The following LIPE variants were observed in gnomAD, a reference collection of about 807,000 sequenced individuals.
The protein encoded by LIPE is lipase E, hormone sensitive type, also known as hormone-sensitive lipase.
A neutral mutation model predicts 88.5 loss-of-function variants in LIPE; 66 were observed. The observed-to-expected ratio is 0.75, with a 90% confidence interval of 0.61 to 0.91. The LOEUF is 0.91. Among genes scored for constraint, LIPE ranks in the 40% least tolerant of loss-of-function variants. The probability of loss-of-function intolerance (pLI) is 0.00; values close to 1 mark genes in which losing one functional copy is unlikely to be tolerated. For synonymous variants in LIPE, 570 were observed against 617.5 expected, an observed-to-expected ratio of 0.92 and a Z score of 1.14; for missense variants, 1,346 against 1,434.7, an observed-to-expected ratio of 0.94 and a Z score of 1.00.
rs201448843 is a variant in LIPE at position 42,426,293 on chromosome 19, C to A, written c.857G>T (p.Arg286Leu). The A allele has an allele frequency of 1.9e-6, 3 of 1,602,778 alleles. No homozygotes were observed. The highest frequency in any genetic ancestry group is 2.6e-6 in the Non-Finnish European group (3 of 1,170,652). ...GTSPHEKTSA[R>L]NHRHYQDTAS... ...TGTATCCTGGTAGTGTCTGTGATTCCGAGCACTGGTTTTCTCATGTGGCGA... is the reference window on the plus strand; with the variant it reads ...TGTATCCTGGTAGTGTCTGTGATTCAGAGCACTGGTTTTCTCATGTGGCGA... The change falls in exon 1 of 10, where the codon CGG becomes CTG. Residue 286 changes from arginine to leucine, a missense_variant. Arg to Leu is a moderately radical substitution (Grantham distance 102). Transcript: ENST00000244289.
In LIPE at chr19:42,423,641, C is replaced by G. The variant is rs2040648106; in HGVS notation, c.883+2626G>C. Reference sequence around the variant, plus strand: ...CTGTCGGGCCCCCCTATTACCCAATCCCGAGCTTGCTCTTCTCTGGGTCCA... The same window carrying G: ...CTGTCGGGCCCCCCTATTACCCAATGCCGAGCTTGCTCTTCTCTGGGTCCA... On this transcript the variant is annotated intron_variant, in intron 1 of 9. Coordinates refer to ENST00000244289, the MANE Select transcript of LIPE (RefSeq NM_005357.4). 18 of 1,170,046 alleles carry G rather than the reference C, an allele frequency of 1.5e-5. No homozygotes were observed. The South Asian group carries it at 2.7e-4, about 17-fold the overall frequency. 72.5% of individuals were successfully genotyped at this position (1,170,046 alleles called of 1,614,324 possible).
chr19:42,417,119 A>G (rs898909969), intron 1 of LIPE, among the ~76,000 whole-genome samples: 58 of 152,032 alleles, frequency 3.8e-4, no homozygotes, highest in Non-Finnish European at 6.9e-4. Context: ...ACGGGGTTTC[A>G]CCATGTTAGC....
chr19:42,419,309 TGAG>T (rs1399972939), intron 1 of LIPE, among the ~76,000 whole-genome samples: 1 of 151,828 alleles, frequency 6.6e-6, no homozygotes, highest in Non-Finnish European at 1.5e-5. Flanking sequence ...AATAAAAAGA[TGAG>T]GAGAGGGGAC....
At position 42,408,363 on chromosome 19, in the gene LIPE, G is replaced by T; in HGVS notation, c.1420-41C>A. 1.3e-6 allele frequency: 2 copies of T among 1,539,518 alleles called. No homozygotes were observed. The highest frequency in any genetic ancestry group is 9.0e-7 in the Non-Finnish European group (1 of 1,112,860). On this transcript the variant is annotated intron_variant, in intron 2 of 9. Transcript: ENST00000244289. The surrounding 1 kb of genome is among the most constrained non-coding windows in gnomAD (Gnocchi z 4.3). Reference sequence around the variant, plus strand: ...GCTGCGTCACCCACCGCTCAAGAGAGGGATGGGGACAGGGCAGGAGCGAGG... The same window carrying T: ...GCTGCGTCACCCACCGCTCAAGAGATGGATGGGGACAGGGCAGGAGCGAGG...
chr19:42,405,400 A>G lies in LIPE; in HGVS notation c.2527T>C (p.Ser843Pro). 6.2e-7 allele frequency: 1 copy of G among 1,613,308 alleles called. No individual in the cohort carries two copies. Among genetic ancestry groups the G allele is most frequent in the Non-Finnish European group, 8.5e-7 (1 of 1,179,956 alleles). Reference sequence around the variant, plus strand: ...AATCACTCACCTGCTATGGGCTCCGACATCTTCTGGGACTTGCGCCCACTT... The same window carrying G: ...AATCACTCACCTGCTATGGGCTCCGGCATCTTCTGGGACTTGCGCCCACTT... ...ELSGRKSQKM[S>P]EPIAEPMRRS... Residue 843 changes from serine to proline, a missense_variant, in exon 8 of 10, where the codon TCG becomes CCG. Transcript: ENST00000244289.
chr19:42,423,722 G>C (rs1309927897), intron 1 of LIPE: 6 of 1,131,870 alleles, frequency 5.3e-6, no homozygotes, highest in African/African-American at 1.7e-5. Context: ...CCAACCGCCA[G>C]AATTTAAGAT....
chr19:42,402,224 A>G, intron 9 of LIPE, 149 bp from the exon 10 acceptor site: 1 of 722,604 alleles, frequency 1.4e-6, no homozygotes, highest in South Asian at 2.2e-5. Flanking sequence ...GTGGGTGAGG[A>G]GTTGGGGAGA....
intron 1 of LIPE, among the ~76,000 whole-genome samples, chr19:42,417,667 G>A (rs1449630029): frequency 6.6e-6 from 1 of 152,104 alleles, no homozygotes; most frequent in Non-Finnish European, 1.5e-5. Context: ...TTACAGGCAT[G>A]TGCCACCATG....
In LIPE at chr19:42,426,283, T is replaced by G. The variant is rs375810085; in HGVS notation, c.867A>C (p.Arg289Ser). 3.7e-6 allele frequency: 6 copies of G among 1,601,482 alleles called. No homozygotes were observed. The highest frequency in any genetic ancestry group is 1.3e-5 in the African/African-American group (1 of 74,654). Reference protein sequence around the residue: ...PHEKTSARNHRHYQDTASRLI... With the variant: ...PHEKTSARNHSHYQDTASRLI... ...CACACTCACCTGTATCCTGGTAGTG[T>G]CTGTGATTCCGAGCACTGGTTTTCT... The change falls in exon 1 of 10, where the codon AGA becomes AGC. Residue 289 changes from arginine (R) to serine (S), a missense_variant. Transcript: ENST00000244289.
chr19:42,423,653 C>T, intron 1 of LIPE: 2 of 1,167,816 alleles, frequency 1.7e-6, no homozygotes, highest in Middle Eastern at 3.9e-4. Flanking sequence ...CGAGCTTGCT[C>T]TTCTCTGGGT....
In LIPE at chr19:42,401,784, G is replaced by A; in HGVS notation, c.*28C>T. ...CGGCCCGGAAGGCATTCATGACGGA[G>A]GCCGGCGCAGATGGGAACAACAGGC... On this transcript the variant is annotated 3_prime_UTR_variant, in exon 10 of 10. Coordinates refer to ENST00000244289, the MANE Select transcript of LIPE (RefSeq NM_005357.4). 1 of 1,429,812 alleles carries A rather than the reference G, an allele frequency of 7.0e-7. No individual in the cohort carries two copies. The highest frequency in any genetic ancestry group is 1.5e-5 in the South Asian group (1 of 68,286). 88.6% of individuals were successfully genotyped at this position (1,429,812 alleles called of 1,614,324 possible).
At chr19:42,423,117 T>G (rs887149671) in intron 1 of LIPE, 86 of 291,488 alleles carry the variant, frequency 3.0e-4, no homozygotes, top group African/African-American at 1.8e-3. Flanking sequence ...GGGCATCCGT[T>G]GCCCTTGGTC....
At position 42,410,603 on chromosome 19, in the gene LIPE, T is replaced by C. The variant is rs2040345657; in HGVS notation, c.1123A>G (p.Ser375Gly). The C allele has an allele frequency of 6.2e-7, 1 of 1,613,284 alleles. No homozygotes were observed. ...DPETPANGYRSLVHTARCCLA... is the reference protein window; with the variant it reads ...DPETPANGYRGLVHTARCCLA... ...CAGCAGCGGGCTGTGTGCACTAGGCTGCGGTACCCGTTGGCCGGTGTCTCT... is the reference window on the plus strand; with the variant it reads ...CAGCAGCGGGCTGTGTGCACTAGGCCGCGGTACCCGTTGGCCGGTGTCTCT... Residue 375 changes from serine to glycine, a missense_variant, in exon 2 of 10, where the codon AGC becomes GGC. By Grantham distance (56) the Ser-to-Gly change is moderately conservative (BLOSUM62 0). Coordinates refer to ENST00000244289, the MANE Select transcript of LIPE (RefSeq NM_005357.4). The surrounding 1 kb of genome is among the most constrained non-coding windows in gnomAD (Gnocchi z 6.1).
intron 1 of LIPE, among the ~76,000 whole-genome samples, chr19:42,412,108 C>T (rs1302811608): frequency 3.3e-5 from 5 of 152,226 alleles, no homozygotes; most frequent in Non-Finnish European, 7.3e-5. Flanking sequence ...TACGTCTGAT[C>T]TCCACACTTT....
At position 42,402,757 on chromosome 19, in the gene LIPE, G is replaced by A. The variant is rs1457683501; in HGVS notation, c.2817C>T (p.Ala939=). ...SPMDRGLGVR[A]AFPEGFHPRR... is the part of the protein sequence containing the mutation. ...GGGGGTGGAAACCCTCGGGGAAGGCGGCACGGACGCCCAGGCCTCTGTCCA... is the reference window on the plus strand; with the variant it reads ...GGGGGTGGAAACCCTCGGGGAAGGCAGCACGGACGCCCAGGCCTCTGTCCA... The change falls in exon 9 of 10, where the codon GCC becomes GCT. Residue 939 remains alanine, a synonymous_variant. Transcript: ENST00000244289. The A allele has an allele frequency of 2.5e-6, 4 of 1,584,238 alleles. No homozygotes were observed. Among genetic ancestry groups the A allele is most frequent in the East Asian group, 2.3e-5 (1 of 44,312 alleles).
In LIPE at chr19:42,408,393, G is replaced by T; in HGVS notation, c.1420-71C>A. The stretch of plus-strand genomic sequence containing the variant: ...GGGGACAGGGCAGGAGCGAGGCACA[G>T]GGATGTGCGGGGAAGACACATTCAT... On this transcript the variant is annotated intron_variant, in intron 2 of 9. Coordinates refer to ENST00000244289, the MANE Select transcript of LIPE (RefSeq NM_005357.4). This position sits in a 1 kb window ranked among gnomAD's most constrained non-coding sequence, Gnocchi z 4.3. 1 of 1,178,336 alleles carries T rather than the reference G, an allele frequency of 8.5e-7. No homozygotes were observed. Among genetic ancestry groups the T allele is most frequent in the Non-Finnish European group, 1.3e-6 (1 of 787,428 alleles). 73.0% of individuals were successfully genotyped at this position (1,178,336 alleles called of 1,614,324 possible). A position where few individuals can be genotyped will look rare whatever the true frequency, so the allele number is the denominator to read the frequency against.
At position 42,406,199 on chromosome 19, in the gene LIPE, G is replaced by GGCA; in HGVS notation, c.2324_2326dup (p.Leu775dup). 2 of 1,613,354 alleles carry GGCA rather than the reference G, an allele frequency of 1.2e-6. No individual in the cohort carries two copies. The highest frequency in any genetic ancestry group is 1.7e-6 in the Non-Finnish European group (2 of 1,179,446). The stretch of plus-strand genomic sequence containing the variant: ...GACACACTTGGAGAGCACACTGAGG[G>GGCA]GCAGCAAGGGGTCCATGAGGCTCAG... On this transcript the variant is annotated inframe_insertion, in exon 7 of 10. Transcript: ENST00000244289. This position sits in a 1 kb window ranked among gnomAD's most constrained non-coding sequence, Gnocchi z 5.7.
chr19:42,408,402 G>T lies in LIPE; in HGVS notation c.1420-80C>A. 1 of 1,115,274 alleles carries T rather than the reference G, an allele frequency of 9.0e-7. No homozygotes were observed. 69.1% of individuals were successfully genotyped at this position (1,115,274 alleles called of 1,614,324 possible). On this transcript the variant is annotated intron_variant, in intron 2 of 9. Coordinates refer to ENST00000244289, the MANE Select transcript of LIPE (RefSeq NM_005357.4). The surrounding 1 kb of genome is among the most constrained non-coding windows in gnomAD (Gnocchi z 4.3). ...GCAGGAGCGAGGCACAGGGATGTGC[G>T]GGGAAGACACATTCATTCAGTAAAC... is the stretch of plus-strand genomic sequence containing the variant.
At chr19:42,421,632 T>A (rs536376898) in intron 1 of LIPE, among the ~76,000 whole-genome samples, 84 of 152,330 alleles carry the variant, frequency 5.5e-4, no homozygotes, top group African/African-American at 1.9e-3. Context: ...ACAAACTCCC[T>A]GCCCCGAGGA....
Sources: allele counts gnomAD v4.1 joint callset (sites outside exome capture counted in the v4.1 genomes callset), GRCh38; gene constraint gnomAD v4.1.1; non-coding constraint Gnocchi (gnomAD v3.1); transcripts MANE v1.5; gene names NCBI Gene and HGNC (gene_info 2026-07-23, HGNC 2026-07-21).